ZSCAN2: variants seen among roughly 807,000 people sequenced by gnomAD.
ZSCAN2 encodes zinc finger and SCAN domain-containing protein 2.
A neutral mutation model predicts 47.8 loss-of-function variants in ZSCAN2; 26 were observed. That is an observed-to-expected ratio of 0.54 (90% CI 0.40 to 0.75). The LOEUF (loss-of-function observed/expected upper bound fraction) is 0.75, where lower values mean the gene tolerates loss of function less well. Ranked by LOEUF, ZSCAN2 falls within the 30% of genes least tolerant of loss-of-function variation. The pLI is 0.00. For synonymous variants in ZSCAN2, 305 were observed against 288.7 expected (o/e 1.06, Z -0.57); for missense variants, 732 against 785.4 (o/e 0.93, Z 0.81).
chr15:84,621,567 A>G lies in ZSCAN2; in HGVS notation c.1372A>G (p.Ser458Gly). The change falls in exon 3 of 3, where the codon AGC becomes GGC. Residue 458 changes from serine to glycine, a missense_variant. This residue lies in a region of ZSCAN2 where 412 missense variants were observed against 498.0 expected (regional missense o/e 0.83). Transcript: ENST00000546148. This position sits in a 1 kb window ranked among gnomAD's most constrained non-coding sequence, Gnocchi z 5.7. ...GGTGTGTGGGAAGAGCTTCAGCCAG[A>G]GCTCCAGTCTGATTGCACACCAGGG... ...CGVCGKSFSQ[S>G]SSLIAHQGMH... 1.9e-6 allele frequency: 3 copies of G among 1,614,024 alleles called. No individual in the cohort carries two copies. Among genetic ancestry groups the G allele is most frequent in the East Asian group, 4.5e-5 (2 of 44,866 alleles).
rs1263893594 is a variant in ZSCAN2 at position 84,621,721 on chromosome 15, A to C, written c.1526A>C (p.Lys509Thr). 1 of 1,614,224 alleles carries C rather than the reference A, an allele frequency of 6.2e-7. No individual in the cohort carries two copies. The highest frequency in any genetic ancestry group is 1.1e-5 in the South Asian group (1 of 91,086). ...CCCTACAAATGCAGCGAGTGTGGGA[A>C]ATGCTTCAGCCAGCGCTCCCAGCTC... is the stretch of plus-strand genomic sequence containing the variant. ...EKPYKCSECG[K>T]CFSQRSQLVV... The change falls in exon 3 of 3, where the codon AAA becomes ACA. Residue 509 changes from lysine to threonine, a missense_variant. Coordinates refer to ENST00000546148, the MANE Select transcript of ZSCAN2 (RefSeq NM_181877.4). The surrounding 1 kb of genome is among the most constrained non-coding windows in gnomAD (Gnocchi z 5.7).
intron 2 of ZSCAN2, among the ~76,000 whole-genome samples, chr15:84,617,110 G>A (rs1348203229): frequency 1.6e-5 from 2 of 126,242 alleles, no homozygotes; most frequent in South Asian, 2.8e-4. Context: ...CAACAAGAGC[G>A]AAACTCTGTC....
chr15:84,603,177 C>T (rs1895262681), intron 1 of ZSCAN2, among the ~76,000 whole-genome samples: 1 of 152,014 alleles, frequency 6.6e-6, no homozygotes, highest in African/African-American at 2.4e-5. Context: ...GTGTTATTAT[C>T]TTTATTAGGT....
At position 84,619,926 on chromosome 15, in the gene ZSCAN2, G is replaced by GTTTTTTTTTTTTT. The variant is rs1567012471; in HGVS notation, c.407-676_407-675insTTTTTTTTTTTTT. On this transcript the variant is annotated intron_variant, in intron 2 of 2. Transcript: ENST00000546148. ...AGTCAGAATGAAATAAGCCTGGGTT[G>GTTTTTTTTTTTTT]GTTTTTTTTTTTTTTTTTTTCCATC... Among the ~76,000 whole-genome samples, 6 of 28,672 alleles carry GTTTTTTTTTTTTT rather than the reference G, an allele frequency of 2.1e-4. 1 individual carries two copies. The highest frequency in any genetic ancestry group is 2.3e-4 in the Non-Finnish European group (3 of 12,822). 18.8% of individuals were successfully genotyped at this position (28,672 alleles called of 152,430 possible).
intron 2 of ZSCAN2, among the ~76,000 whole-genome samples, chr15:84,616,887 C>A (rs1476843792): frequency 6.6e-6 from 1 of 152,082 alleles, no homozygotes; most frequent in Non-Finnish European, 1.5e-5. Context: ...CTCTAGGAGG[C>A]GGAAGTGGGC....
intron 2 of ZSCAN2, among the ~76,000 whole-genome samples, chr15:84,615,628 C>T (rs188499182): frequency 7.7e-4 from 118 of 152,322 alleles, no homozygotes; most frequent in African/African-American, 2.8e-3. Context: ...ACGCGCCTGG[C>T]CCTCTGTCAT....
At chr15:84,609,151 C>A (rs1421497229) in intron 2 of ZSCAN2, among the ~76,000 whole-genome samples, 1 of 152,138 alleles carries the variant, frequency 6.6e-6, no homozygotes, top group Non-Finnish European at 1.5e-5. Context: ...CAAATGAACA[C>A]ATACATTCAT....
At chr15:84,604,378 A>G in intron 2 of ZSCAN2, 45 bp downstream of exon 2, 3 of 1,557,372 alleles carry the variant, frequency 1.9e-6, no homozygotes, top group Non-Finnish European at 1.7e-6. Flanking sequence ...GCACCCTTCC[A>G]AGGTAGAGGA....
chr15:84,605,457 G>T (rs1227093407), intron 2 of ZSCAN2, among the ~76,000 whole-genome samples: 2 of 152,232 alleles, frequency 1.3e-5, no homozygotes, highest in African/African-American at 2.4e-5. Flanking sequence ...GTAGGGTGTG[G>T]CAGCTGAGAG....
At chr15:84,603,593 C>T (rs924652108) in intron 1 of ZSCAN2, among the ~76,000 whole-genome samples, 4 of 151,876 alleles carry the variant, frequency 2.6e-5, no homozygotes, top group African/African-American at 4.8e-5. Context: ...CCGCCCACCT[C>T]GGCCTCCCAA....
intron 2 of ZSCAN2, chr15:84,616,499 C>G: frequency 7.2e-7 from 1 of 1,387,100 alleles, no homozygotes; most frequent in Admixed American, 3.4e-5. Context: ...ATTGCATTTC[C>G]TTCCTCATTG....
At chr15:84,616,336 C>T (rs758314457) in intron 2 of ZSCAN2, 4 of 1,570,454 alleles carry the variant, frequency 2.5e-6, no homozygotes, top group Admixed American at 3.3e-5. Flanking sequence ...CATGGCTGCC[C>T]TGTGTGATTC....
At chr15:84,619,890 G>A (rs929152287) in intron 2 of ZSCAN2, among the ~76,000 whole-genome samples, 1 of 151,050 alleles carries the variant, frequency 6.6e-6, no homozygotes, top group African/African-American at 2.4e-5. Context: ...AGATTATGAG[G>A]CCTGACAACC....
At position 84,622,292 on chromosome 15, in the gene ZSCAN2, C is replaced by T. The variant is rs1895834653; in HGVS notation, c.*252C>T. On this transcript the variant is annotated 3_prime_UTR_variant, in exon 3 of 3. Coordinates refer to ENST00000546148, the MANE Select transcript of ZSCAN2 (RefSeq NM_181877.4). Reference sequence around the variant, plus strand: ...GGTCTTTTTCCCTTACATTGGGTGACTTGATTGGCCCCCTCTCATGATTCC... The same window carrying T: ...GGTCTTTTTCCCTTACATTGGGTGATTTGATTGGCCCCCTCTCATGATTCC... 3.5e-6 allele frequency: 2 copies of T among 569,974 alleles called. No homozygotes were observed. Among genetic ancestry groups the T allele is most frequent in the Non-Finnish European group, 6.3e-6 (2 of 315,884 alleles). The allele number at this position is 569,974 out of a possible 1,614,324, so 35.3% of individuals were successfully genotyped here.
Position 84,623,573 on chromosome 15 carries a change from G to A in ZSCAN2, c.*1533G>A, listed in dbSNP as rs1309504599. On this transcript the variant is annotated 3_prime_UTR_variant, in exon 3 of 3. Transcript: ENST00000546148. Reference sequence around the variant, plus strand: ...GACGGGCATGACGGCAGGTGAAGGGGTTTGCTGTGAAGGAAGAGGAGATAA... The same window carrying A: ...GACGGGCATGACGGCAGGTGAAGGGATTTGCTGTGAAGGAAGAGGAGATAA... 1 of 167,476 alleles carries A rather than the reference G, an allele frequency of 6.0e-6. No homozygotes were observed. Among genetic ancestry groups the A allele is most frequent in the Non-Finnish European group, 1.5e-5 (1 of 68,436 alleles). 10.4% of individuals were successfully genotyped at this position (167,476 alleles called of 1,614,324 possible). A position where few individuals can be genotyped will look rare whatever the true frequency, so the allele number is the denominator to read the frequency against.
chr15:84,605,357 A>AGTTCAGAGAAGGGAGC (rs1567006960), intron 2 of ZSCAN2, among the ~76,000 whole-genome samples: 1 of 152,198 alleles, frequency 6.6e-6, no homozygotes, highest in Non-Finnish European at 1.5e-5. Flanking sequence ...AAACTACGGA[A>AGTTCAGAGAAGGGAGC]GTTCAGAGAA....
Position 84,621,444 on chromosome 15 carries a change from C to T in ZSCAN2, c.1249C>T (p.Pro417Ser). The change falls in exon 3 of 3, where the codon CCC (proline) becomes TCC (serine). Residue 417 changes from proline to serine, a missense_variant. Physicochemically the swap from Pro to Ser is moderately conservative, Grantham distance 74. Coordinates refer to ENST00000546148, the MANE Select transcript of ZSCAN2 (RefSeq NM_181877.4). This position sits in a 1 kb window ranked among gnomAD's most constrained non-coding sequence, Gnocchi z 5.7. Reference protein sequence around the residue: ...THRRTHTGEKPYQCSECGKSF... With the variant: ...THRRTHTGEKSYQCSECGKSF... ...CCGGAGAACCCACACAGGAGAGAAA[C>T]CCTACCAGTGCAGCGAGTGTGGGAA... 1 of 1,614,130 alleles carries T rather than the reference C, an allele frequency of 6.2e-7. No individual in the cohort carries two copies. Among genetic ancestry groups the T allele is most frequent in the Non-Finnish European group, 8.5e-7 (1 of 1,180,032 alleles).
Position 84,612,740 on chromosome 15 carries a change from A to G in ZSCAN2, c.407-7862A>G, listed in dbSNP as rs555993482. 2.0e-5 allele frequency among the ~76,000 whole-genome samples: 3 copies of G among 149,130 alleles called. No individual in the cohort carries two copies. In the South Asian group the frequency reaches 6.4e-4, roughly 32 times the overall value. ...ACAGAGTGAGACTGCGTCTCAAAAG[A>G]AAAAAAAAAGGGGGAAATGACATTG... On this transcript the variant is annotated intron_variant, in intron 2 of 2. Coordinates refer to ENST00000546148, the MANE Select transcript of ZSCAN2 (RefSeq NM_181877.4).
At chr15:84,609,048 C>A (rs1441445629) in intron 2 of ZSCAN2, among the ~76,000 whole-genome samples, 2 of 152,234 alleles carry the variant, frequency 1.3e-5, no homozygotes, top group Non-Finnish European at 2.9e-5. Context: ...ACCTCTCCAG[C>A]CATCCTCAGC....
Sources: gnomAD v4.1 joint callset for allele counts (sites outside exome capture counted in the v4.1 genomes callset) on GRCh38, gnomAD v4.1.1 for gene constraint, gnomAD v4.1.1 regional missense constraint, Gnocchi (gnomAD v3.1) non-coding constraint, MANE v1.5 for transcripts, NCBI Gene and HGNC (gene_info 2026-07-23, HGNC 2026-07-21) for gene names.